SELP: variants seen among roughly 807,000 people sequenced by gnomAD.
The protein encoded by SELP is P-selectin.
A neutral mutation model predicts 104.1 loss-of-function variants in SELP; 92 were observed. The ratio of observed to expected loss-of-function variants is 0.88; its 90% CI spans 0.75 to 1.05. The LOEUF is 1.05. Among genes scored for constraint, SELP ranks in the 50% least tolerant of loss-of-function variants. The probability of loss-of-function intolerance (pLI) is 0.00; values close to 1 mark genes in which losing one functional copy is unlikely to be tolerated. For synonymous variants in SELP, 397 were observed against 364.5 expected (o/e 1.09, Z -1.01); for missense variants, 1,022 against 1,017.3 (o/e 1.00, Z -0.06).
rs879181764 is a variant in SELP, at chr1:169,603,307, C to CTCTCTCTCTG, written c.1520-97_1520-96insCAGAGAGAGA. The CTCTCTCTCTG allele has an allele frequency of 3.1e-5, 19 of 605,690 alleles. No individual in the cohort carries two copies. The African/African-American group carries it at 3.5e-4, about 11-fold the overall frequency. The allele number at this position is 605,690 out of a possible 1,614,324, so 37.5% of individuals were successfully genotyped here. A position where few individuals can be genotyped will look rare whatever the true frequency, so the allele number is the denominator to read the frequency against. On this transcript the variant is annotated intron_variant, in intron 9 of 16. Transcript: ENST00000263686. ...TCTCTCTCTTTCTCCCTCTCTCTCT[C>CTCTCTCTCTG]TGTGTGTGTGTGTGTGTGTGTGTGT...
chr1:169,595,902 C>T (rs746575557), intron 12 of SELP, 23 bp downstream of exon 12: 2 of 1,609,680 alleles, frequency 1.2e-6, no homozygotes, highest in South Asian at 1.1e-5. Flanking sequence ...AGGTTCAGAA[C>T]TGCCTGCTCC....
intron 7 of SELP, among the ~76,000 whole-genome samples, chr1:169,610,574 A>G (rs1662469038): frequency 6.6e-6 from 1 of 152,116 alleles, no homozygotes; most frequent in African/African-American, 2.4e-5. Flanking sequence ...ATGTGAGTGA[A>G]TCACTTGAGG....
chr1:169,617,885 A>G (rs1015016503), intron 2 of SELP, among the ~76,000 whole-genome samples: 11 of 152,222 alleles, frequency 7.2e-5, no homozygotes. Flanking sequence ...GTACTTTCTC[A>G]GCAAAACAGA....
rs777457035 is a variant in SELP at position 169,606,971 on chromosome 1, A to T, written c.1497T>A (p.Asn499Lys). ...VLQCLATGNW[N>K]SVPPECQAIP... ...TACCTTGGCATTCTGGAGGAACAGAATTCCAGTTTCCAGTAGCCAAGCACT... is the reference window on the plus strand; with the variant it reads ...TACCTTGGCATTCTGGAGGAACAGATTTCCAGTTTCCAGTAGCCAAGCACT... Residue 499 changes from asparagine (N) to lysine (K), a missense_variant, in exon 9 of 17, where the codon AAT becomes AAA. Asn to Lys is a moderately conservative substitution (Grantham distance 94). Coordinates refer to ENST00000263686, the MANE Select transcript of SELP (RefSeq NM_003005.4). 6.2e-6 allele frequency: 10 copies of T among 1,613,288 alleles called. No homozygotes were observed. The highest frequency in any genetic ancestry group is 1.7e-6 in the Non-Finnish European group (2 of 1,179,672).
intron 12 of SELP, among the ~76,000 whole-genome samples, chr1:169,595,648 A>G (rs1276484249): frequency 2.0e-5 from 3 of 152,302 alleles, no homozygotes; most frequent in East Asian, 3.9e-4. Context: ...TACATTTAAT[A>G]TGTCTATTTT....
chr1:169,610,839 TTTCTCTC>T (rs2101901249), intron 7 of SELP, among the ~76,000 whole-genome samples: 1 of 152,140 alleles, frequency 6.6e-6, no homozygotes, highest in African/African-American at 2.4e-5. Context: ...TCCTCTAGTG[TTTCTCTC>T]TTCTCTCTTA....
At chr1:169,607,412 G>A (rs1305474079) in intron 8 of SELP, among the ~76,000 whole-genome samples, 1 of 152,018 alleles carries the variant, frequency 6.6e-6, no homozygotes, top group Non-Finnish European at 1.5e-5. Context: ...TAATCAAGAT[G>A]CATACCAAAA....
chr1:169,611,864 A>G (rs1160256856), intron 6 of SELP, among the ~76,000 whole-genome samples, 187 bp from the exon 7 acceptor site: 1 of 152,112 alleles, frequency 6.6e-6, no homozygotes, highest in African/African-American at 2.4e-5. Flanking sequence ...TGTTAAAAAC[A>G]AAGATTCCTC....
At position 169,607,506 on chromosome 1, in the gene SELP, G is replaced by A. The variant is rs1430582703; in HGVS notation, c.1334-372C>T. On this transcript the variant is annotated intron_variant, in intron 8 of 16. Coordinates refer to ENST00000263686, the MANE Select transcript of SELP (RefSeq NM_003005.4). The stretch of plus-strand genomic sequence containing the variant: ...ACACAAATGCCATTAATTGAGGGTG[G>A]AAATTAATGATGGTGGATCCATGAA... Among the ~76,000 whole-genome samples, 11 of 152,180 alleles carry A rather than the reference G, an allele frequency of 7.2e-5. No homozygotes were observed. In the South Asian group the frequency reaches 8.3e-4, roughly 11 times the overall value.
At chr1:169,618,161 A>G (rs189866629) in intron 2 of SELP, among the ~76,000 whole-genome samples, 1 of 152,332 alleles carries the variant, frequency 6.6e-6, no homozygotes, top group East Asian at 1.9e-4. Context: ...GATCCTTAGC[A>G]CTGAGCCTAG....
At chr1:169,598,677 T>C (rs1252085882) in intron 10 of SELP, among the ~76,000 whole-genome samples, 1 of 152,184 alleles carries the variant, frequency 6.6e-6, no homozygotes, top group Non-Finnish European at 1.5e-5. Flanking sequence ...TTTCATAATC[T>C]CCCAGAATTA....
chr1:169,616,850 T>C (rs1169859102), intron 3 of SELP, among the ~76,000 whole-genome samples, 178 bp downstream of exon 3: 1 of 152,190 alleles, frequency 6.6e-6, no homozygotes, highest in Non-Finnish European at 1.5e-5. Flanking sequence ...TAGTTTTCTC[T>C]AATTCTGATC....
At position 169,609,475 on chromosome 1, in the gene SELP, ACAGAAAAACATTAC is replaced by A; in HGVS notation, c.1333+15_1333+28del. 1.9e-6 allele frequency: 3 copies of A among 1,592,216 alleles called. No homozygotes were observed. Among genetic ancestry groups the A allele is most frequent in the Non-Finnish European group, 1.7e-6 (2 of 1,167,680 alleles). ...TGATGCCTCTAACGAGCTGAGACAC[ACAGAAAAACATTAC>A]CACTGTTACAGTACCTTGACAGACT... On this transcript the variant is annotated intron_variant, in intron 8 of 16. Transcript: ENST00000263686.
intron 13 of SELP, among the ~76,000 whole-genome samples, chr1:169,594,195 T>A (rs1262553151): frequency 6.6e-6 from 1 of 152,200 alleles, no homozygotes; most frequent in Non-Finnish European, 1.5e-5. Flanking sequence ...AAACTGTGCA[T>A]AATTTTTTGG....
intron 3 of SELP, 59 bp downstream of exon 3, chr1:169,616,969 C>CATTA: frequency 1.5e-6 from 2 of 1,370,842 alleles, no homozygotes; most frequent in South Asian, 2.1e-5. Flanking sequence ...GTTGGCCAAC[C>CATTA]AGAGAAGGCA....
intron 9 of SELP, among the ~76,000 whole-genome samples, chr1:169,605,443 CAT>C (rs1662132409): frequency 6.6e-6 from 1 of 150,800 alleles, no homozygotes; most frequent in Admixed American, 6.7e-5. Context: ...TTCATTCATT[CAT>C]TCATTTACTG....
rs1321413301 is a variant in SELP at position 169,594,855 on chromosome 1, A to T, written c.2124T>A (p.His708Gln). Residue 708 changes from histidine to glutamine, a missense_variant, in exon 13 of 17, where the codon CAT becomes CAA. Transcript: ENST00000263686. ...AGTTCATCGCTATTGGCTTATTAAC[A>T]TGTAGTTCTGAGCATTTCACAGCTG... Reference protein sequence around the residue: ...ACRAVKCSELHVNKPIAMNCS... With the variant: ...ACRAVKCSELQVNKPIAMNCS... The T allele has an allele frequency of 6.2e-7, 1 of 1,613,466 alleles. No individual in the cohort carries two copies. The highest frequency in any genetic ancestry group is 1.7e-5 in the Admixed American group (1 of 59,928).
intron 1 of SELP, among the ~76,000 whole-genome samples, chr1:169,619,667 G>C (rs564470474): frequency 6.6e-6 from 1 of 152,268 alleles, no homozygotes; most frequent in South Asian, 2.1e-4. Context: ...GAGGTGCAGA[G>C]CATCAACAAA....
rs1557960249 is a variant in SELP at position 169,609,566 on chromosome 1, CCT to C, written c.1269_1270del (p.Gly424SerfsTer7). 1 of 1,614,108 alleles carries C rather than the reference CCT, an allele frequency of 6.2e-7. No homozygotes were observed. Reference sequence around the variant, plus strand: ...GTTATCACACCGAACTATATCGGCTCCTCTCAGCATGAAACCTTCAGCACAGC... The same window carrying C: ...GTTATCACACCGAACTATATCGGCTCCTCAGCATGAAACCTTCAGCACAGC... On this transcript the variant is annotated frameshift_variant, in exon 8 of 17. Coordinates refer to ENST00000263686, the MANE Select transcript of SELP (RefSeq NM_003005.4). LOFTEE classifies it high-confidence loss of function.
Sources: gnomAD v4.1 joint callset for allele counts (sites outside exome capture counted in the v4.1 genomes callset) on GRCh38, gnomAD v4.1.1 for gene constraint, MANE v1.5 for transcripts, NCBI Gene and HGNC (gene_info 2026-07-23, HGNC 2026-07-21) for gene names.